PHTF2: variants seen among roughly 807,000 people sequenced by gnomAD.
PHTF2 encodes protein PHTF2.
A neutral mutation model predicts 101.2 loss-of-function variants in PHTF2; 60 were observed. The observed-to-expected ratio is 0.59, with a 90% CI of 0.48 to 0.73. The LOEUF is 0.73. Ranked by LOEUF, PHTF2 falls within the 30% of genes least tolerant of loss-of-function variation. The pLI is 0.00. For synonymous variants in PHTF2, 311 were observed against 307.3 expected (o/e 1.01, Z -0.13); for missense variants, 747 against 908.7 (o/e 0.82, Z 2.29).
intron 2 of PHTF2, among the ~76,000 whole-genome samples, chr7:77,841,276 C>T (rs1378994276): frequency 2.0e-5 from 3 of 151,708 alleles, no homozygotes; most frequent in South Asian, 4.2e-4. Flanking sequence ...GACAGGGTTT[C>T]GCCGTGTTGG....
At chr7:77,934,602 G>C (rs962851213) in intron 12 of PHTF2, among the ~76,000 whole-genome samples, 1 of 152,156 alleles carries the variant, frequency 6.6e-6, no homozygotes, top group African/African-American at 2.4e-5. Flanking sequence ...TTTTGGATCT[G>C]TGATGCTGTC....
intron 3 of PHTF2, among the ~76,000 whole-genome samples, chr7:77,875,322 T>A (rs890627258): frequency 8.6e-5 from 13 of 151,890 alleles, no homozygotes; most frequent in African/African-American, 2.9e-4. Context: ...CTAGGTTTTT[T>A]AAAAAAATAG....
At chr7:77,855,575 C>A (rs1797109894) in intron 3 of PHTF2, among the ~76,000 whole-genome samples, 2 of 152,174 alleles carry the variant, frequency 1.3e-5, no homozygotes, top group South Asian at 4.1e-4. Context: ...TCCTTGTGGC[C>A]TAGAGTGCCT....
intron 3 of PHTF2, among the ~76,000 whole-genome samples, chr7:77,865,473 G>A (rs1223909816): frequency 6.6e-6 from 1 of 152,044 alleles, no homozygotes; most frequent in East Asian, 1.9e-4. Flanking sequence ...GTTCCACCCA[G>A]CGCAGCCTCC....
intron 1 of PHTF2, among the ~76,000 whole-genome samples, chr7:77,805,555 TC>T: frequency 6.6e-6 from 1 of 152,230 alleles, no homozygotes; most frequent in Non-Finnish European, 1.5e-5. Flanking sequence ...TATAAAATTC[TC>T]CCCAAAATAG....
chr7:77,861,721 G>A (rs144197663), intron 3 of PHTF2, among the ~76,000 whole-genome samples: 168 of 152,176 alleles, frequency 1.1e-3, no homozygotes, highest in African/African-American at 3.8e-3. Context: ...CCGGAAGTTT[G>A]AGAAGAGCCT....
chr7:77,878,011 A>C (rs778462472), intron 3 of PHTF2, among the ~76,000 whole-genome samples: 7 of 152,098 alleles, frequency 4.6e-5, no homozygotes, highest in Non-Finnish European at 1.0e-4. Flanking sequence ...AGAGTATAGC[A>C]AGACTTCAGT....
chr7:77,928,136 A>C (rs1461753423), intron 11 of PHTF2, among the ~76,000 whole-genome samples: 1 of 152,152 alleles, frequency 6.6e-6, no homozygotes, highest in Non-Finnish European at 1.5e-5. Context: ...CAAAAGGATA[A>C]ATATAATGCA....
chr7:77,910,446 TG>T, intron 9 of PHTF2, 37 bp downstream of exon 8: 1 of 1,475,770 alleles, frequency 6.8e-7, no homozygotes, highest in Non-Finnish European at 9.4e-7. Flanking sequence ...GGCATAGAGA[TG>T]GCACTATCCT....
intron 11 of PHTF2, among the ~76,000 whole-genome samples, chr7:77,925,518 T>TTTTTTTTTGTTTTGTTTTG (rs1803897969): frequency 7.5e-6 from 1 of 133,346 alleles, no homozygotes; most frequent in African/African-American, 3.0e-5. Context: ...TTTTTTTTTT[T>TTTTTTTTTGTTTTGTTTTG]TTTTTTTTGA....
intron 11 of PHTF2, among the ~76,000 whole-genome samples, chr7:77,927,250 A>T (rs1452385733): frequency 1.3e-5 from 2 of 150,718 alleles, no homozygotes; most frequent in Non-Finnish European, 3.0e-5. Flanking sequence ...ATAAAGAGAG[A>T]GATTGATTGT....
At chr7:77,954,981 G>A in exon 20 of PHTF2, 1 of 571,060 alleles carries the variant, frequency 1.8e-6, no homozygotes, top group Non-Finnish European at 3.1e-6. Context: ...GTCTCAGCTA[G>A]GGAGTTGAAG....
At chr7:77,929,224 A>G (rs1804338857) in exon 12 of PHTF2, 1 of 1,611,570 alleles carries the variant, frequency 6.2e-7, no homozygotes, top group Non-Finnish European at 8.5e-7. Context: ...GACTTGTTAC[A>G]TTGTGCAGAA....
rs1050441353 is a variant in PHTF2, at chr7:77,872,165, T to C, written c.147+17331T>C. Among the ~76,000 whole-genome samples the C allele has an allele frequency of 3.3e-5, 5 of 152,262 alleles. No homozygotes were observed. In the East Asian group the frequency reaches 7.7e-4, roughly 24 times the overall value. Reference sequence around the variant, plus strand: ...GTGGAAGTCCATGTTGCTGAGCCCATGCGTAACCTCCATCCCTGCCACCAT... The same window carrying C: ...GTGGAAGTCCATGTTGCTGAGCCCACGCGTAACCTCCATCCCTGCCACCAT... On this transcript the variant is annotated intron_variant, in intron 3 of 19. Transcript: ENST00000416283.
chr7:77,881,030 G>C (rs1799368816), intron 3 of PHTF2, among the ~76,000 whole-genome samples: 3 of 152,014 alleles, frequency 2.0e-5, no homozygotes. Flanking sequence ...AATATATTCT[G>C]TCTCTCCAAG....
At chr7:77,946,451 G>A (rs1172200302) in intron 16 of PHTF2, among the ~76,000 whole-genome samples, 1 of 152,074 alleles carries the variant, frequency 6.6e-6, no homozygotes, top group Non-Finnish European at 1.5e-5. Flanking sequence ...AAAAAAAGTG[G>A]TCTAAAGTTT....
intron 2 of PHTF2, among the ~76,000 whole-genome samples, chr7:77,841,844 C>A (rs1027343722): frequency 5.9e-5 from 9 of 152,150 alleles, no homozygotes; most frequent in African/African-American, 2.2e-4. Flanking sequence ...CAAAACAAAA[C>A]AAACTTTAAA....
intron 11 of PHTF2, chr7:77,923,537 T>C (rs1035466134): frequency 5.1e-6 from 5 of 985,108 alleles, no homozygotes; most frequent in Admixed American, 1.2e-4. Flanking sequence ...CTTTGCACAC[T>C]CTTCTTTGTG....
At chr7:77,852,032 T>TTGTG (rs1342770285) in intron 2 of PHTF2, among the ~76,000 whole-genome samples, 4 of 152,036 alleles carry the variant, frequency 2.6e-5, no homozygotes, top group Non-Finnish European at 5.9e-5. Context: ...AAAGGTTTTT[T>TTGTG]TGTGTGTGTG....
Sources: allele counts gnomAD v4.1 joint callset (sites outside exome capture counted in the v4.1 genomes callset), GRCh38; gene constraint gnomAD v4.1.1; transcripts MANE v1.5; gene names NCBI Gene and HGNC (gene_info 2026-07-23, HGNC 2026-07-21).